The following CIRSR variants were observed in gnomAD, a reference collection of about 807,000 sequenced individuals.
The protein encoded by CIRSR is CBF1 (RBPJ) interacting corepressor 1.
the CIRSR span, chr2:174,381,733 A>G: frequency 4.4e-6 from 7 of 1,597,830 alleles, no homozygotes; most frequent in Non-Finnish European, 6.0e-6. Context: ...GGCTTCATAC[A>G]TGAAATTAAG....
At chr2:174,351,078 T>C in the CIRSR span, among the ~76,000 whole-genome samples, 2 of 152,220 alleles carry the variant, frequency 1.3e-5, no homozygotes, top group South Asian at 2.1e-4. Flanking sequence ...TTAAATACTT[T>C]ATTTTTAATT....
At chr2:174,351,580 T>C in the CIRSR span, 2 of 1,514,192 alleles carry the variant, frequency 1.3e-6, no homozygotes, top group South Asian at 2.3e-5. Flanking sequence ...ACATTTAGAT[T>C]TATAGACATT....
chr2:174,358,973 C>T, the CIRSR span, among the ~76,000 whole-genome samples: 6,061 of 152,308 alleles, frequency 0.04, 162 homozygotes, highest in Middle Eastern at 0.11. Flanking sequence ...GGATTACAGG[C>T]GTGGGCCACT....
the CIRSR span, among the ~76,000 whole-genome samples, chr2:174,356,539 G>GAAGGAAGGAAGGACGGAAGT: frequency 6.7e-6 from 1 of 148,818 alleles, no homozygotes; most frequent in African/African-American, 2.5e-5. Context: ...AGAAAGGAAG[G>GAAGGAAGGAAGGACGGAAGT]AAGGAAGGAA....
the CIRSR span, among the ~76,000 whole-genome samples, chr2:174,374,645 C>T: frequency 7.2e-5 from 11 of 152,182 alleles, no homozygotes; most frequent in East Asian, 1.9e-4. Context: ...CAGTTAGCTA[C>T]GTATGGAGCT....
the CIRSR span, among the ~76,000 whole-genome samples, chr2:174,370,580 A>G: frequency 6.6e-6 from 1 of 152,214 alleles, no homozygotes; most frequent in East Asian, 1.9e-4. Context: ...TTATAAGACT[A>G]TGCACTCTGC....
the CIRSR span, among the ~76,000 whole-genome samples, chr2:174,354,561 T>TTTATATATTATATA: frequency 7.9e-5 from 6 of 75,978 alleles, no homozygotes; most frequent in African/African-American, 2.9e-4. Context: ...TTATATATAT[T>TTTATATATTATATA]TTATATATTA....
the CIRSR span, chr2:174,351,655 T>C: frequency 5.6e-6 from 9 of 1,614,028 alleles, no homozygotes; most frequent in Non-Finnish European, 7.6e-6. Flanking sequence ...TTCTCCCCAG[T>C]ACATTTCGTT....
the CIRSR span, chr2:174,395,649 G>A: frequency 6.2e-7 from 1 of 1,614,138 alleles, no homozygotes; most frequent in South Asian, 1.1e-5. Flanking sequence ...GGGAAAGCAG[G>A]GGCTAGATCT....
At chr2:174,383,124 A>G in the CIRSR span, among the ~76,000 whole-genome samples, 1 of 152,230 alleles carries the variant, frequency 6.6e-6, no homozygotes, top group Non-Finnish European at 1.5e-5. Flanking sequence ...GCATTATGCT[A>G]TGTGAAAGAA....
the CIRSR span, among the ~76,000 whole-genome samples, chr2:174,370,910 C>CAAA: frequency 2.3e-5 from 3 of 128,640 alleles, no homozygotes; most frequent in Non-Finnish European, 4.9e-5. Flanking sequence ...GACTCCGTCT[C>CAAA]AAAAAAAAAA....
the CIRSR span, among the ~76,000 whole-genome samples, chr2:174,372,402 A>G: frequency 2.0e-5 from 3 of 152,166 alleles, no homozygotes; most frequent in Admixed American, 2.0e-4. Flanking sequence ...CTCTGTCTAC[A>G]TGTCTACCTA....
chr2:174,383,849 C>CAAAAAAAAAAAAAAAAAAAAAAAA, the CIRSR span, among the ~76,000 whole-genome samples: 1 of 121,470 alleles, frequency 8.2e-6, no homozygotes, highest in Non-Finnish European at 1.8e-5. Context: ...AGCTATCTTC[C>CAAAAAAAAAAAAAAAAAAAAAAAA]AAAAAAAAAA....
At chr2:174,369,941 A>G in the CIRSR span, 5 of 1,357,406 alleles carry the variant, frequency 3.7e-6, no homozygotes, top group African/African-American at 7.4e-5. Context: ...GTAAGCACAT[A>G]CGGTTGGAAA....
At chr2:174,368,674 T>G in the CIRSR span, among the ~76,000 whole-genome samples, 1 of 152,170 alleles carries the variant, frequency 6.6e-6, no homozygotes, top group Non-Finnish European at 1.5e-5. Context: ...ACAGAGACCC[T>G]GTCTCTAAAA....
chr2:174,356,132 A>C, the CIRSR span, among the ~76,000 whole-genome samples: 2 of 152,084 alleles, frequency 1.3e-5, no homozygotes, highest in South Asian at 4.2e-4. Flanking sequence ...GTAGGAGAAA[A>C]GGGGGCAGTG....
chr2:174,353,449 G>A, the CIRSR span, among the ~76,000 whole-genome samples: 1 of 152,120 alleles, frequency 6.6e-6, no homozygotes, highest in African/African-American at 2.4e-5. Context: ...GCATAGAGGT[G>A]CTCATACAAT....
the CIRSR span, among the ~76,000 whole-genome samples, chr2:174,359,544 A>G: frequency 9.9e-5 from 15 of 152,176 alleles, no homozygotes; most frequent in African/African-American, 3.4e-4. Context: ...GGCGATCATT[A>G]AAAAGTCAGG....
the CIRSR span, among the ~76,000 whole-genome samples, chr2:174,368,437 ATACT>A: frequency 6.6e-6 from 1 of 152,248 alleles, no homozygotes; most frequent in Non-Finnish European, 1.5e-5. Context: ...AAATCCCCAA[ATACT>A]TAGAGATCTA....
Sources: allele counts gnomAD v4.1 joint callset (sites outside exome capture counted in the v4.1 genomes callset), GRCh38; gene constraint gnomAD v4.1.1; transcripts MANE v1.5; gene names NCBI Gene and HGNC (gene_info 2026-07-23, HGNC 2026-07-21).